GRM7: variants seen among roughly 807,000 people sequenced by gnomAD.
The protein encoded by GRM7 is metabotropic glutamate receptor 7.
Under a neutral mutation model 84.5 loss-of-function variants are expected in GRM7, and 35 were observed. The observed-to-expected ratio is 0.41, with a 90% CI of 0.32 to 0.55. GRM7 has a LOEUF of 0.55. GRM7 is among the 20% of genes least tolerant of loss of function. The pLI, the probability that GRM7 is intolerant of heterozygous loss-of-function variation, is 0.19. For synonymous variants in GRM7, 487 were observed against 455.1 expected (o/e 1.07, Z -0.89); for missense variants, 1,003 against 1,194.6 (o/e 0.84, Z 2.36).
chr3:7,309,609 T>C (rs1700320319), intron 4 of GRM7, among the ~76,000 whole-genome samples: 1 of 152,160 alleles, frequency 6.6e-6, no homozygotes, highest in Non-Finnish European at 1.5e-5. Flanking sequence ...CATCTGGATT[T>C]TCGGCCGGCA....
chr3:7,542,072 A>G (rs1286026672), intron 7 of GRM7, among the ~76,000 whole-genome samples: 2 of 152,126 alleles, frequency 1.3e-5, no homozygotes, highest in Non-Finnish European at 2.9e-5. Flanking sequence ...TCTTTTTATG[A>G]GGACACTAGT....
intron 1 of GRM7, among the ~76,000 whole-genome samples, chr3:7,063,738 C>T (rs191718646): frequency 2.0e-4 from 30 of 151,618 alleles, no homozygotes; most frequent in African/African-American, 7.0e-4. Context: ...CAAGGTCACC[C>T]CCTATTCCAA....
At chr3:7,330,963 T>A (rs1478726921) in intron 4 of GRM7, among the ~76,000 whole-genome samples, 5 of 152,172 alleles carry the variant, frequency 3.3e-5, no homozygotes, top group African/African-American at 1.2e-4. Flanking sequence ...GAGAGGCATC[T>A]CATGAACACC....
chr3:7,266,944 A>G (rs1258979926), intron 2 of GRM7, among the ~76,000 whole-genome samples: 7 of 152,134 alleles, frequency 4.6e-5, no homozygotes, highest in African/African-American at 1.7e-4. Context: ...TTGGAAGGAG[A>G]CCTCTTAGCG....
In GRM7 at chr3:7,449,240, C is replaced by T. The variant is rs113650866; in HGVS notation, c.1175-3367C>T. On this transcript the variant is annotated intron_variant, in intron 5 of 9. Coordinates refer to ENST00000357716, the MANE Select transcript of GRM7 (RefSeq NM_000844.4). Reference sequence around the variant, plus strand: ...AAAAATAACACCATACTTATAATAGCAAAAATGAATAAAACATCTTGGCTA... The same window carrying T: ...AAAAATAACACCATACTTATAATAGTAAAAATGAATAAAACATCTTGGCTA... 2.8e-3 allele frequency among the ~76,000 whole-genome samples: 424 copies of T among 152,052 alleles called. 2 individuals carry two copies. The highest frequency in any genetic ancestry group is 9.4e-3 in the African/African-American group (391 of 41,518).
intron 1 of GRM7, among the ~76,000 whole-genome samples, chr3:6,871,172 C>T (rs1222863587): frequency 6.6e-6 from 1 of 152,092 alleles, no homozygotes; most frequent in Admixed American, 6.6e-5. Flanking sequence ...TTATTCTGGT[C>T]AGACACCATA....
At chr3:7,562,713 G>A (rs1043020432) in intron 7 of GRM7, among the ~76,000 whole-genome samples, 2 of 152,018 alleles carry the variant, frequency 1.3e-5, no homozygotes, top group African/African-American at 4.8e-5. Context: ...AAAAAGAATG[G>A]TTTGTTCTAT....
At chr3:7,266,628 C>A (rs949491305) in intron 2 of GRM7, among the ~76,000 whole-genome samples, 5 of 151,984 alleles carry the variant, frequency 3.3e-5, no homozygotes, top group Admixed American at 3.3e-4. Flanking sequence ...AAAATGTTTT[C>A]TCTTTTATTT....
chr3:7,067,321 G>C (rs1310879105), intron 1 of GRM7, among the ~76,000 whole-genome samples: 1 of 151,910 alleles, frequency 6.6e-6, no homozygotes, highest in Non-Finnish European at 1.5e-5. Context: ...ATTCAGCAAA[G>C]TTCCTGGATA....
At chr3:7,034,129 A>G (rs1354701789) in intron 1 of GRM7, among the ~76,000 whole-genome samples, 1 of 152,210 alleles carries the variant, frequency 6.6e-6, no homozygotes, top group African/African-American at 2.4e-5. Flanking sequence ...GGGAAAAAAT[A>G]TCCTCTGGGT....
intron 4 of GRM7, among the ~76,000 whole-genome samples, chr3:7,315,817 A>G (rs1700561758): frequency 6.6e-6 from 1 of 152,142 alleles, no homozygotes; most frequent in African/African-American, 2.4e-5. Context: ...GCATTCTGAC[A>G]AAATTGGTTT....
intron 1 of GRM7, among the ~76,000 whole-genome samples, chr3:7,007,856 G>C (rs1309355351): frequency 6.6e-6 from 1 of 152,162 alleles, no homozygotes; most frequent in African/African-American, 2.4e-5. Context: ...AGAGATTTCA[G>C]TACTGGGAAA....
intron 2 of GRM7, among the ~76,000 whole-genome samples, chr3:7,159,258 G>A (rs571195549): frequency 1.8e-4 from 27 of 152,214 alleles, no homozygotes; most frequent in African/African-American, 5.8e-4. Flanking sequence ...ATCTGTTAAC[G>A]TGAAATACAA....
chr3:6,896,260 T>C (rs1465563562), intron 1 of GRM7, among the ~76,000 whole-genome samples: 1 of 152,126 alleles, frequency 6.6e-6, no homozygotes, highest in African/African-American at 2.4e-5. Context: ...GAAGGGAAAG[T>C]TTCTTCTGGT....
chr3:7,024,432 T>C (rs1355144401), intron 1 of GRM7, among the ~76,000 whole-genome samples: 1 of 152,212 alleles, frequency 6.6e-6, no homozygotes, highest in Admixed American at 6.5e-5. Flanking sequence ...CACCATGCCA[T>C]AGAGGAAAGA....
intron 4 of GRM7, among the ~76,000 whole-genome samples, chr3:7,324,844 A>G (rs1700923375): frequency 6.6e-6 from 1 of 152,078 alleles, no homozygotes; most frequent in Non-Finnish European, 1.5e-5. Flanking sequence ...TCTTGTATCC[A>G]GCTTTATAGT....
intron 2 of GRM7, among the ~76,000 whole-genome samples, chr3:7,216,733 A>G (rs1696625837): frequency 6.6e-6 from 1 of 150,622 alleles, no homozygotes. Flanking sequence ...AGTATTTCAT[A>G]TACTTCTGAA....
chr3:7,275,011 A>G (rs1161394181), intron 2 of GRM7, among the ~76,000 whole-genome samples: 1 of 151,406 alleles, frequency 6.6e-6, no homozygotes, highest in African/African-American at 2.4e-5. Context: ...TTGCTTTTCC[A>G]TTTTGGAAGT....
intron 3 of GRM7, among the ~76,000 whole-genome samples, chr3:7,300,656 T>TC (rs1210880653): frequency 6.6e-6 from 1 of 152,022 alleles, no homozygotes; most frequent in African/African-American, 2.4e-5. Flanking sequence ...ATGCATTCTT[T>TC]CCCCCTCCCT....
Sources: gnomAD v4.1 joint callset for allele counts (sites outside exome capture counted in the v4.1 genomes callset) on GRCh38, gnomAD v4.1.1 for gene constraint, MANE v1.5 for transcripts, NCBI Gene and HGNC (gene_info 2026-07-23, HGNC 2026-07-21) for gene names.